The following ULK4 variants were observed in gnomAD, a reference collection of about 807,000 sequenced individuals.
The protein encoded by ULK4 is inactive serine/threonine-protein kinase ULK4.
In ULK4, 133 loss-of-function variants were observed where a neutral mutation model predicts 160.6. The observed-to-expected ratio is 0.83, with a 90% CI of 0.72 to 0.96. ULK4 has a LOEUF of 0.96. ULK4 is among the 40% of genes least tolerant of loss of function. The pLI is 0.00. For missense variants in ULK4, 1,580 were observed against 1,499.5 expected (o/e 1.05, Z -0.89); for synonymous variants, 534 against 539.8 (o/e 0.99, Z 0.15).
At chr3:41,607,144 G>T (rs1208272712) in intron 31 of ULK4, among the ~76,000 whole-genome samples, 1 of 151,912 alleles carries the variant, frequency 6.6e-6, no homozygotes, top group Admixed American at 6.6e-5. Context: ...GAGAGAGAGG[G>T]GTCTCAAGCC....
chr3:41,537,218 G>A (rs13090732), intron 32 of ULK4, among the ~76,000 whole-genome samples: 77,553 of 151,578 alleles, frequency 0.51, 19,949 homozygotes, highest in Middle Eastern at 0.58. Flanking sequence ...CATATCCACA[G>A]TCTCATGATT....
chr3:41,443,134 T>C (rs2083210689), intron 34 of ULK4, among the ~76,000 whole-genome samples: 1 of 152,152 alleles, frequency 6.6e-6, no homozygotes, highest in African/African-American at 2.4e-5. Context: ...AAAACCACCC[T>C]TGTCATTTAT....
chr3:41,729,827 T>G (rs1393946571), intron 22 of ULK4, among the ~76,000 whole-genome samples: 1 of 152,174 alleles, frequency 6.6e-6, no homozygotes, highest in Admixed American at 6.5e-5. Context: ...CAGGCATTGT[T>G]AATACTGACT....
chr3:41,701,861 T>C (rs1043608400), intron 27 of ULK4, among the ~76,000 whole-genome samples: 6 of 152,086 alleles, frequency 3.9e-5, no homozygotes, highest in African/African-American at 1.4e-4. Context: ...TAGCTTTTAA[T>C]ACATTAATAG....
At chr3:41,759,464 A>C (rs192566896) in intron 21 of ULK4, among the ~76,000 whole-genome samples, 103 of 152,290 alleles carry the variant, frequency 6.8e-4, no homozygotes, top group Non-Finnish European at 1.1e-3. Context: ...TAAAAATTCT[A>C]AAATAGTGAT....
intron 32 of ULK4, among the ~76,000 whole-genome samples, chr3:41,521,371 T>C (rs1168724477): frequency 1.8e-4 from 28 of 152,134 alleles, no homozygotes; most frequent in Admixed American, 1.8e-3. Context: ...TGATTAGACC[T>C]TATTTTTTTT....
Position 41,742,160 on chromosome 3 carries a change from C to T in ULK4, c.2321+12201G>A, listed in dbSNP as rs117694119. 3.4e-4 allele frequency among the ~76,000 whole-genome samples: 51 copies of T among 151,984 alleles called. No homozygotes were observed. In the East Asian group the frequency reaches 7.0e-3, roughly 21 times the overall value. On this transcript the variant is annotated intron_variant, in intron 22 of 36. Coordinates refer to ENST00000301831, the MANE Select transcript of ULK4 (RefSeq NM_017886.4). ...GAATTTTATCTTCTACCTTAACCCA[C>T]CCCCAGGGAAACAGGTGGCCCACTT...
At chr3:41,736,113 T>C (rs535397342) in intron 22 of ULK4, among the ~76,000 whole-genome samples, 19,027 of 150,288 alleles carry the variant, frequency 0.13, 4,037 homozygotes, top group African/African-American at 0.44. Context: ...TGGGTTGGTT[T>C]CAAGTCTTTG....
chr3:41,944,856 A>G (rs1323072979), intron 2 of ULK4, among the ~76,000 whole-genome samples: 2 of 152,124 alleles, frequency 1.3e-5, no homozygotes, highest in African/African-American at 2.4e-5. Context: ...TCCTCACCTT[A>G]TTAGCAGCAT....
At chr3:41,397,566 C>T (rs779451547) in intron 35 of ULK4, among the ~76,000 whole-genome samples, 10 of 152,070 alleles carry the variant, frequency 6.6e-5, no homozygotes, top group Non-Finnish European at 1.5e-4. Context: ...CTACAAAATA[C>T]CTGGCCTATA....
At chr3:41,955,317 T>C (rs1700445250) in intron 1 of ULK4, 1 of 152,626 alleles carries the variant, frequency 6.6e-6, no homozygotes, top group Non-Finnish European at 1.5e-5. Context: ...CACAAACCAA[T>C]ATTCAAGTTC....
chr3:41,292,543 G>A (rs898178392), intron 35 of ULK4, among the ~76,000 whole-genome samples: 1 of 152,174 alleles, frequency 6.6e-6, no homozygotes, highest in African/African-American at 2.4e-5. Context: ...CTACTCGGGA[G>A]GCTGAGGTAG....
At chr3:41,406,603 T>C (rs1347938423) in intron 34 of ULK4, among the ~76,000 whole-genome samples, 2 of 152,170 alleles carry the variant, frequency 1.3e-5, no homozygotes, top group African/African-American at 4.8e-5. Context: ...TTAAGGTAAA[T>C]ATTGGGGGAC....
chr3:41,384,782 A>G (rs1220856305), intron 35 of ULK4, among the ~76,000 whole-genome samples: 2 of 152,120 alleles, frequency 1.3e-5, no homozygotes, highest in Non-Finnish European at 2.9e-5. Flanking sequence ...ATGGAGTTTC[A>G]CCATGTTAGC....
chr3:41,645,354 A>G (rs1023228676), intron 30 of ULK4, among the ~76,000 whole-genome samples: 29 of 150,212 alleles, frequency 1.9e-4, no homozygotes, highest in African/African-American at 6.9e-4. Flanking sequence ...CCCTCTACAC[A>G]CTGCTTTGAA....
intron 30 of ULK4, among the ~76,000 whole-genome samples, chr3:41,623,712 A>G (rs1196134255): frequency 1.3e-5 from 2 of 152,210 alleles, no homozygotes; most frequent in African/African-American, 2.4e-5. Context: ...GGTGTGGACA[A>G]GAAAAGGAAA....
At chr3:41,887,361 C>G (rs1277083059) in intron 16 of ULK4, among the ~76,000 whole-genome samples, 1 of 152,196 alleles carries the variant, frequency 6.6e-6, no homozygotes, top group Non-Finnish European at 1.5e-5. Flanking sequence ...TAACAGTTAA[C>G]TGCATTCATG....
chr3:41,929,469 A>G (rs1354390036), intron 5 of ULK4, among the ~76,000 whole-genome samples: 2 of 152,224 alleles, frequency 1.3e-5, no homozygotes, highest in Admixed American at 6.5e-5. Context: ...CCTATTCAAC[A>G]TAGTATTGGA....
Position 41,884,809 on chromosome 3 carries a change from C to T in ULK4, c.1578-857G>A, listed in dbSNP as rs145197538. Among the ~76,000 whole-genome samples the T allele has an allele frequency of 3.5e-3, 532 of 152,326 alleles. 2 individuals carry two copies. The highest frequency in any genetic ancestry group is 0.012 in the African/African-American group (503 of 41,574). On this transcript the variant is annotated intron_variant, in intron 16 of 36. Coordinates refer to ENST00000301831, the MANE Select transcript of ULK4 (RefSeq NM_017886.4). ...CAGAAATAATCCTTATAAATTTCAA[C>T]ACTTCTTAAATTTCCCATTAAAATC...
Sources: gnomAD v4.1 joint callset for allele counts (sites outside exome capture counted in the v4.1 genomes callset) on GRCh38, gnomAD v4.1.1 for gene constraint, MANE v1.5 for transcripts, NCBI Gene and HGNC (gene_info 2026-07-23, HGNC 2026-07-21) for gene names.